Variants in LYPLAL1 observed in about 807,000 individuals in gnomAD.
The protein encoded by LYPLAL1 is lysophospholipase-like protein 1.
In LYPLAL1, 23 loss-of-function variants were observed where a neutral mutation model predicts 19.7. The ratio of observed to expected loss-of-function variants is 1.17; its 90% confidence interval spans 0.84 to 1.65. The LOEUF is 1.65. Ranked by LOEUF, LYPLAL1 falls within the 40% of genes most tolerant of loss-of-function variation. The pLI is 0.00. For synonymous variants in LYPLAL1, 119 were observed against 96.3 expected, an observed-to-expected ratio of 1.24 and a Z score of -1.38; for missense variants, 355 against 279.4, an observed-to-expected ratio of 1.27 and a Z score of -1.93.
At chr1:219,179,742 A>G (rs78978525) in intron 2 of LYPLAL1, among the ~76,000 whole-genome samples, 4,325 of 152,356 alleles carry the variant, frequency 0.028, 75 homozygotes, top group Middle Eastern at 0.048. Context: ...AGAATTGACT[A>G]CTTAATAAAT....
chr1:219,195,624 T>C (rs1657537118), intron 3 of LYPLAL1, among the ~76,000 whole-genome samples: 1 of 152,152 alleles, frequency 6.6e-6, no homozygotes, highest in Non-Finnish European at 1.5e-5. Context: ...AGAGATATTA[T>C]GGATTTTCTG....
At chr1:219,253,036 T>C in the LYPLAL1 span, among the ~76,000 whole-genome samples, 1 of 152,048 alleles carries the variant, frequency 6.6e-6, no homozygotes, top group African/African-American at 2.4e-5. Context: ...TGACCATGAT[T>C]TTATCCACCT....
the LYPLAL1 span, among the ~76,000 whole-genome samples, chr1:219,414,911 A>T: frequency 4.6e-5 from 7 of 152,280 alleles, no homozygotes; most frequent in East Asian, 1.4e-3. Flanking sequence ...AACCAGGGGG[A>T]CCCAGAATTA....
the LYPLAL1 span, among the ~76,000 whole-genome samples, chr1:219,354,731 A>T: frequency 2.6e-5 from 4 of 152,346 alleles, no homozygotes; most frequent in East Asian, 7.7e-4. Flanking sequence ...TATTATTTGT[A>T]ATTAATAGAC....
the LYPLAL1 span, among the ~76,000 whole-genome samples, chr1:219,428,564 C>T: frequency 6.6e-6 from 1 of 152,136 alleles, no homozygotes; most frequent in Non-Finnish European, 1.5e-5. Context: ...AGCCCCTGAC[C>T]TTAAAGAGCT....
At chr1:219,334,308 T>C in the LYPLAL1 span, among the ~76,000 whole-genome samples, 1 of 152,072 alleles carries the variant, frequency 6.6e-6, no homozygotes, top group Admixed American at 6.6e-5. Flanking sequence ...TGATCATCAG[T>C]CTCATCTCCC....
At chr1:219,241,287 C>G in the LYPLAL1 span, among the ~76,000 whole-genome samples, 2 of 150,870 alleles carry the variant, frequency 1.3e-5, no homozygotes, top group African/African-American at 4.9e-5. Context: ...GAGAAGCCAT[C>G]CAACCTACAT....
At chr1:219,400,336 A>G in the LYPLAL1 span, among the ~76,000 whole-genome samples, 1 of 152,072 alleles carries the variant, frequency 6.6e-6, no homozygotes, top group East Asian at 1.9e-4. Flanking sequence ...TTTTCATACT[A>G]CAACTATTGT....
chr1:219,288,898 A>C, the LYPLAL1 span, among the ~76,000 whole-genome samples: 1 of 152,184 alleles, frequency 6.6e-6, no homozygotes, highest in African/African-American at 2.4e-5. Context: ...AAATTAATTC[A>C]TGCCTCTAAA....
the LYPLAL1 span, among the ~76,000 whole-genome samples, chr1:219,336,872 A>G: frequency 3.9e-5 from 6 of 152,078 alleles, no homozygotes; most frequent in Admixed American, 1.3e-4. Flanking sequence ...GGACTGTATT[A>G]TTTTCCTAGG....
At chr1:219,381,269 C>G in the LYPLAL1 span, among the ~76,000 whole-genome samples, 1 of 152,170 alleles carries the variant, frequency 6.6e-6, no homozygotes, top group African/African-American at 2.4e-5. Context: ...AGTCCCTTTC[C>G]TCTTCCTCCA....
At chr1:219,224,404 C>T in the LYPLAL1 span, among the ~76,000 whole-genome samples, 4 of 151,964 alleles carry the variant, frequency 2.6e-5, no homozygotes, top group East Asian at 1.9e-4. Context: ...TATGAAGTGT[C>T]GTGTGTTTTG....
the LYPLAL1 span, among the ~76,000 whole-genome samples, chr1:219,420,289 T>A: frequency 6.6e-6 from 1 of 152,248 alleles, no homozygotes; most frequent in Non-Finnish European, 1.5e-5. Flanking sequence ...AGATTTAATT[T>A]CACCAAATAA....
the LYPLAL1 span, among the ~76,000 whole-genome samples, chr1:219,348,089 C>G: frequency 6.6e-6 from 1 of 152,200 alleles, no homozygotes; most frequent in Non-Finnish European, 1.5e-5. Flanking sequence ...GCTAACCTGG[C>G]CAAGTCAGCA....
At chr1:219,187,823 G>A (rs1366590506) in intron 2 of LYPLAL1, among the ~76,000 whole-genome samples, 1 of 151,644 alleles carries the variant, frequency 6.6e-6, no homozygotes, top group Non-Finnish European at 1.5e-5. Context: ...CAGTATATCT[G>A]TACTACAAGT....
the LYPLAL1 span, among the ~76,000 whole-genome samples, chr1:219,418,717 T>C: frequency 1.3e-5 from 2 of 152,210 alleles, no homozygotes; most frequent in Admixed American, 6.5e-5. Flanking sequence ...TTTGGACAAA[T>C]GTTTAATGCC....
chr1:219,283,372 G>A, the LYPLAL1 span, among the ~76,000 whole-genome samples: 228 of 152,296 alleles, frequency 1.5e-3, no homozygotes, highest in Non-Finnish European at 2.7e-3. Context: ...TAGAATTATC[G>A]ATGAAGAAAT....
At chr1:219,270,684 T>A in the LYPLAL1 span, 1 of 152,198 alleles carries the variant, frequency 6.6e-6, no homozygotes, top group South Asian at 2.1e-4. Context: ...CCAGCATTCA[T>A]CTGTGCAAGT....
the LYPLAL1 span, among the ~76,000 whole-genome samples, chr1:219,279,418 A>G: frequency 4.6e-4 from 70 of 152,318 alleles, no homozygotes; most frequent in African/African-American, 1.6e-3. Flanking sequence ...ACTTCAGAAT[A>G]ATGTTGCTTT....
Sources: gnomAD v4.1 joint callset for allele counts (sites outside exome capture counted in the v4.1 genomes callset) on GRCh38, gnomAD v4.1.1 for gene constraint, MANE v1.5 for transcripts, NCBI Gene and HGNC (gene_info 2026-07-23, HGNC 2026-07-21) for gene names.